Variants in VPS13B observed in about 807,000 individuals in gnomAD.
VPS13B encodes the protein vacuolar protein sorting 13 homolog B, also known as intermembrane lipid transfer protein VPS13B.
A neutral mutation model predicts 426.4 loss-of-function variants in VPS13B; 285 were observed. That is an observed-to-expected ratio of 0.67 (90% CI 0.61 to 0.74). VPS13B has a LOEUF of 0.74. Among genes scored for constraint, VPS13B ranks in the 30% least tolerant of loss-of-function variants. The pLI is 0.00. For synonymous variants in VPS13B, 1,676 were observed against 1,676.4 expected, an observed-to-expected ratio of 1.00 and a Z score of 0.01; for missense variants, 4,537 against 4,782.6, an observed-to-expected ratio of 0.95 and a Z score of 1.51.
At chr8:99,832,340 C>CATTTTTTTTTTTTTTTTTTT in intron 51 of VPS13B, 29 bp from the exon 52 acceptor site, 1 of 1,292,318 alleles carries the variant, frequency 7.7e-7, no homozygotes, top group Non-Finnish European at 1.0e-6. Flanking sequence ...GTGCTCTCTG[C>CATTTTTTTTTTTTTTTTTTT]ATTTTTTTTT....
At chr8:99,146,334 T>G (rs142507304) in intron 13 of VPS13B, among the ~76,000 whole-genome samples, 214 of 152,308 alleles carry the variant, frequency 1.4e-3, no homozygotes, top group African/African-American at 5.0e-3. Context: ...AAAAATCAAT[T>G]GAGCATATTT....
intron 19 of VPS13B, among the ~76,000 whole-genome samples, chr8:99,329,777 A>G (rs913152005): frequency 2.0e-5 from 3 of 152,018 alleles, no homozygotes; most frequent in Admixed American, 6.6e-5. Context: ...CTAGTAACAG[A>G]CTGCAACATA....
At chr8:99,481,431 ATG>A (rs1820032890) in intron 24 of VPS13B, among the ~76,000 whole-genome samples, 166 bp from the exon 25 acceptor site, 1 of 152,252 alleles carries the variant, frequency 6.6e-6, no homozygotes, top group South Asian at 2.1e-4. Context: ...CAGAGTGAGT[ATG>A]AAGCAAATTT....
intron 12 of VPS13B, among the ~76,000 whole-genome samples, chr8:99,139,234 C>T (rs1381641919): frequency 6.6e-6 from 1 of 152,078 alleles, no homozygotes; most frequent in African/African-American, 2.4e-5. Flanking sequence ...ACTCTGCCTC[C>T]TTTACTGGAG....
At chr8:99,629,477 T>C (rs982390587) in intron 33 of VPS13B, among the ~76,000 whole-genome samples, 1 of 152,136 alleles carries the variant, frequency 6.6e-6, no homozygotes, top group African/African-American at 2.4e-5. Flanking sequence ...AAGTGCTAGA[T>C]AAGTGATAGA....
Position 99,664,155 on chromosome 8 carries a change from C to A in VPS13B, c.6046+2664C>A, listed in dbSNP as rs546091690. 4.6e-5 allele frequency among the ~76,000 whole-genome samples: 7 copies of A among 151,806 alleles called. 1 individual carries two copies. The highest frequency in any genetic ancestry group is 1.7e-4 in the African/African-American group (7 of 41,394). On this transcript the variant is annotated intron_variant, in intron 35 of 61. Transcript: ENST00000357162. ...CTGAGTAGCTGGGACTACAGGCACG[C>A]ACCATCACACCCGGCTAATTTTTGT...
intron 39 of VPS13B, among the ~76,000 whole-genome samples, chr8:99,759,953 T>C (rs978523163): frequency 6.6e-6 from 1 of 151,846 alleles, no homozygotes. Flanking sequence ...CTTTTTTTCT[T>C]TTTCTTTTCT....
At chr8:99,793,023 T>G (rs1054753695) in intron 43 of VPS13B, among the ~76,000 whole-genome samples, 1 of 146,214 alleles carries the variant, frequency 6.8e-6, no homozygotes, top group Non-Finnish European at 1.5e-5. Flanking sequence ...CTGGGCAATA[T>G]GGCAAGATCC....
chr8:99,025,911 C>G (rs1842113641), intron 2 of VPS13B, among the ~76,000 whole-genome samples: 1 of 152,016 alleles, frequency 6.6e-6, no homozygotes, highest in South Asian at 2.1e-4. Context: ...TTTTCTTAGT[C>G]TGTGTAATAG....
At position 99,502,873 on chromosome 8, in the gene VPS13B, T is replaced by C. The variant is rs758803331; in HGVS notation, c.4080T>C (p.Ala1360=). The C allele has an allele frequency of 6.2e-7, 1 of 1,613,596 alleles. No homozygotes were observed. The highest frequency in any genetic ancestry group is 8.5e-7 in the Non-Finnish European group (1 of 1,179,690). Residue 1360 remains alanine (A), a synonymous_variant, in exon 27 of 62, where the codon GCT becomes GCC. Transcript: ENST00000357162. Reference sequence around the variant, plus strand: ...TCAGTGAACTAGAAGATCTCAGTGCTTCCATAGATGTCCAGGATGTATATA... The same window carrying C: ...TCAGTGAACTAGAAGATCTCAGTGCCTCCATAGATGTCCAGGATGTATATA... ...CMVSELEDLS[A]SIDVQDVYTK...
At chr8:99,445,183 A>G (rs1817853341) in intron 23 of VPS13B, among the ~76,000 whole-genome samples, 1 of 150,466 alleles carries the variant, frequency 6.6e-6, no homozygotes, top group Non-Finnish European at 1.5e-5. Context: ...TTTCTTTGTC[A>G]TATAAACATT....
intron 23 of VPS13B, among the ~76,000 whole-genome samples, chr8:99,450,867 TC>T (rs1818163402): frequency 6.6e-6 from 1 of 152,186 alleles, no homozygotes; most frequent in African/African-American, 2.4e-5. Flanking sequence ...TTATTTAGAT[TC>T]ATGATGGAAT....
chr8:99,430,405 TAAG>T, intron 21 of VPS13B, among the ~76,000 whole-genome samples: 1 of 152,168 alleles, frequency 6.6e-6, no homozygotes, highest in Non-Finnish European at 1.5e-5. Flanking sequence ...TGCTACTTTA[TAAG>T]TACCTAAAAT....
intron 56 of VPS13B, among the ~76,000 whole-genome samples, chr8:99,859,024 A>G (rs1436302862): frequency 1.3e-5 from 2 of 151,908 alleles, no homozygotes; most frequent in Non-Finnish European, 2.9e-5. Flanking sequence ...CGCCACATGG[A>G]CCCCCGTTAG....
intron 24 of VPS13B, among the ~76,000 whole-genome samples, 153 bp from the exon 25 acceptor site, chr8:99,481,446 A>G (rs1489414620): frequency 1.3e-5 from 2 of 152,230 alleles, no homozygotes; most frequent in South Asian, 2.1e-4. Context: ...GCAAATTTCA[A>G]GTGTAAGTTA....
rs1247056992 is a variant in VPS13B at position 99,135,067 on chromosome 8, G to C, written c.1355G>C (p.Cys452Ser). Residue 452 changes from cysteine (C) to serine (S), a missense_variant, in exon 10 of 62, where the codon TGC (cysteine) becomes TCC (serine). By Grantham distance (112) the Cys-to-Ser change is moderately radical. Around this residue, in one of 2 missense-constraint regions of VPS13B, gnomAD observed 4,311 missense variants for 4,474.3 expected, o/e 0.96. Coordinates refer to ENST00000357162, the MANE Select transcript of VPS13B (RefSeq NM_152564.5). ...GATTGCCAGATTGGGTTTGTTGGTT[G>C]CAGAGCCATGTGCCTTAAAGGAATT... ...FFDCQIGFVG[C>S]RAMCLKGIMG... is the part of the protein sequence containing the mutation. The C allele has an allele frequency of 6.2e-7, 1 of 1,613,550 alleles. No individual in the cohort carries two copies. The highest frequency in any genetic ancestry group is 1.7e-5 in the Admixed American group (1 of 59,984).
At chr8:99,609,922 T>A (rs757333141) in intron 33 of VPS13B, among the ~76,000 whole-genome samples, 22 of 152,174 alleles carry the variant, frequency 1.4e-4, no homozygotes, top group Non-Finnish European at 7.4e-5. Flanking sequence ...ACACAAGCAG[T>A]GCCTTAGAAT....
rs529328110 is a variant in VPS13B, at chr8:99,560,394, A to G, written c.4949+3741A>G. 3.9e-5 allele frequency among the ~76,000 whole-genome samples: 6 copies of G among 152,224 alleles called. No individual in the cohort carries two copies. The South Asian group carries it at 6.2e-4, about 16-fold the overall frequency. On this transcript the variant is annotated intron_variant, in intron 31 of 61. Coordinates refer to ENST00000357162, the MANE Select transcript of VPS13B (RefSeq NM_152564.5). ...CCTGAGCCTGTCAGAAGACCAAGTT[A>G]AGTCTCATTTGTGTGTGCTCCTATC...
intron 54 of VPS13B, among the ~76,000 whole-genome samples, chr8:99,839,385 C>T (rs1815561385): frequency 1.3e-5 from 2 of 152,194 alleles, no homozygotes; most frequent in African/African-American, 4.8e-5. Flanking sequence ...TACTGAGGAC[C>T]TATCAGGTGC....
Sources: allele counts gnomAD v4.1 joint callset (sites outside exome capture counted in the v4.1 genomes callset), GRCh38; gene constraint gnomAD v4.1.1; regional missense constraint gnomAD v4.1.1; transcripts MANE v1.5; gene names NCBI Gene and HGNC (gene_info 2026-07-23, HGNC 2026-07-21).